Variants in DPCD observed in about 807,000 individuals in gnomAD.
The protein encoded by DPCD is protein DPCD.
A neutral mutation model predicts 26.4 loss-of-function variants in DPCD; 20 were observed. The ratio of observed to expected loss-of-function variants is 0.76; its 90% CI spans 0.53 to 1.10. The LOEUF is 1.10. Ranked by LOEUF, DPCD falls within the 50% of genes least tolerant of loss-of-function variation. The pLI, the probability that DPCD is intolerant of heterozygous loss-of-function variation, is 0.00. For synonymous variants in DPCD, 97 were observed against 94.2 expected (o/e 1.03, Z -0.17); for missense variants, 202 against 253.9 (o/e 0.80, Z 1.39).
Position 101,608,839 on chromosome 10 carries a change from T to C in DPCD, c.409T>C (p.Tyr137His), listed in dbSNP as rs776550996. 5.0e-6 allele frequency: 8 copies of C among 1,612,918 alleles called. No homozygotes were observed. The Admixed American group carries it at 1.3e-4, about 27-fold the overall frequency. The change falls in exon 5 of 6, where the codon TAC becomes CAC. Residue 137 changes from tyrosine (Y) to histidine (H), a missense_variant. Transcript: ENST00000370151. Reference sequence around the variant, plus strand: ...GGCCTCTCGGTGTCCCCACAGGTACTACAAGAAGTTCTCCATTCCTGATCT... The same window carrying C: ...GGCCTCTCGGTGTCCCCACAGGTACCACAAGAAGTTCTCCATTCCTGATCT... Reference protein sequence around the residue: ...IIVRTTNKKYYKKFSIPDLDR... With the variant: ...IIVRTTNKKYHKKFSIPDLDR...
intron 3 of DPCD, 89 bp from the exon 4 acceptor site, chr10:101,601,114 G>C: frequency 6.4e-7 from 1 of 1,574,326 alleles, no homozygotes; most frequent in Non-Finnish European, 8.6e-7. Flanking sequence ...AGAGCTGAGG[G>C]TCTTGTTGTG....
intron 3 of DPCD, 26 bp from the exon 4 acceptor site, chr10:101,601,177 C>A (rs1481945952): frequency 6.2e-7 from 1 of 1,613,346 alleles, no homozygotes; most frequent in South Asian, 1.1e-5. Context: ...CAGGAACAGT[C>A]CTCGAGTTGG....
intron 4 of DPCD, among the ~76,000 whole-genome samples, chr10:101,602,376 C>A (rs1051000090): frequency 6.6e-6 from 1 of 152,220 alleles, no homozygotes; most frequent in Admixed American, 6.5e-5. Flanking sequence ...ACTCCCCCAT[C>A]GCAGCCCTGG....
intron 2 of DPCD, among the ~76,000 whole-genome samples, chr10:101,595,408 G>T (rs1161761507): frequency 6.6e-6 from 1 of 152,130 alleles, no homozygotes; most frequent in Non-Finnish European, 1.5e-5. Flanking sequence ...TAGGTGGCTG[G>T]CTCTTTGACC....
rs1319387654 is a variant in DPCD at position 101,588,579 on chromosome 10, G to C, written c.64+179G>C. ...CAGAGATGACATGACTGGAACACAT[G>C]TCTCCGGACACCCCTTAGATTCCTC... On this transcript the variant is annotated intron_variant, in intron 1 of 5. Coordinates refer to ENST00000370151, the MANE Select transcript of DPCD (RefSeq NM_015448.3). The C allele has an allele frequency of 2.0e-5, 28 of 1,428,984 alleles. No individual in the cohort carries two copies. In the South Asian group the frequency reaches 3.9e-4, roughly 20 times the overall value. 88.5% of individuals were successfully genotyped at this position (1,428,984 alleles called of 1,614,324 possible). A position where few individuals can be genotyped will look rare whatever the true frequency, so the allele number is the denominator to read the frequency against.
chr10:101,591,104 G>A (rs564951468), intron 1 of DPCD, among the ~76,000 whole-genome samples: 6 of 152,310 alleles, frequency 3.9e-5, no homozygotes, highest in African/African-American at 1.4e-4. Context: ...GGCTGTGCCT[G>A]GAAGAGGTGG....
rs1047451728 is a variant in DPCD, at chr10:101,609,038, C to T, written c.507+101C>T. 1.6e-5 allele frequency: 16 copies of T among 1,018,296 alleles called. No homozygotes were observed. The East Asian group carries it at 3.6e-4, about 23-fold the overall frequency. 63.1% of individuals were successfully genotyped at this position (1,018,296 alleles called of 1,614,324 possible). A position where few individuals can be genotyped will look rare whatever the true frequency, so the allele number is the denominator to read the frequency against. ...AAGAGTCCTCAGTTCTAGCCCCAAG[C>T]CCTAGGGTATGCTTGTGGGAGAATA... is the stretch of plus-strand genomic sequence containing the variant. On this transcript the variant is annotated intron_variant, in intron 5 of 5. Coordinates refer to ENST00000370151, the MANE Select transcript of DPCD (RefSeq NM_015448.3).
intron 4 of DPCD, among the ~76,000 whole-genome samples, chr10:101,604,458 T>A (rs888035305): frequency 6.6e-6 from 1 of 152,194 alleles, no homozygotes; most frequent in African/African-American, 2.4e-5. Context: ...TACCCATACT[T>A]GCCTTGTCTC....
intron 1 of DPCD, among the ~76,000 whole-genome samples, chr10:101,591,186 A>T (rs2134751996): frequency 6.6e-6 from 1 of 152,286 alleles, no homozygotes; most frequent in Admixed American, 6.5e-5. Context: ...TATCCATTGT[A>T]TGTCTACACT....
chr10:101,593,299 G>A (rs918217309), intron 1 of DPCD, among the ~76,000 whole-genome samples: 7 of 152,244 alleles, frequency 4.6e-5, no homozygotes, highest in South Asian at 2.1e-4. Flanking sequence ...CTCTGCTAGA[G>A]GCCCTGCAAA....
At position 101,603,070 on chromosome 10, in the gene DPCD, T is replaced by A. The variant is rs181738379; in HGVS notation, c.404+1734T>A. Among the ~76,000 whole-genome samples, 213 of 152,316 alleles carry A rather than the reference T, an allele frequency of 1.4e-3. 1 individual carries two copies. The highest frequency in any genetic ancestry group is 2.9e-3 in the Admixed American group (45 of 15,294). On this transcript the variant is annotated intron_variant, in intron 4 of 5. Transcript: ENST00000370151. This position sits in a 1 kb window ranked among gnomAD's most constrained non-coding sequence, Gnocchi z 4.6. Reference sequence around the variant, plus strand: ...AAATGATGGGTGAGGCCAGGTGGGATGGGAGTGATGCCCCTGGAGGGGCAG... The same window carrying A: ...AAATGATGGGTGAGGCCAGGTGGGAAGGGAGTGATGCCCCTGGAGGGGCAG...
In DPCD at chr10:101,600,956, C is replaced by T; in HGVS notation, c.270+94C>T. The stretch of plus-strand genomic sequence containing the variant: ...AGGGCAGGGACCATGTCTTGTTCAC[C>T]TCCTCGCCTCCAGTGTGCCACCTGG... On this transcript the variant is annotated intron_variant, in intron 3 of 5. Transcript: ENST00000370151. The surrounding 1 kb of genome is among the most constrained non-coding windows in gnomAD (Gnocchi z 4.7). 6.3e-7 allele frequency: 1 copy of T among 1,576,302 alleles called. No homozygotes were observed. Among genetic ancestry groups the T allele is most frequent in the Non-Finnish European group, 8.6e-7 (1 of 1,164,330 alleles).
At chr10:101,605,349 TAG>T (rs2063726906) in intron 4 of DPCD, 5 of 1,314,502 alleles carry the variant, frequency 3.8e-6, no homozygotes, top group Admixed American at 5.4e-5. Context: ...GGGGATACAG[TAG>T]AGAGTGGTGG....
Position 101,608,905 on chromosome 10 carries a change from T to G in DPCD, c.475T>G (p.Phe159Val). The G allele has an allele frequency of 6.2e-7, 1 of 1,613,670 alleles. No individual in the cohort carries two copies. The highest frequency in any genetic ancestry group is 8.5e-7 in the Non-Finnish European group (1 of 1,179,896). The change falls in exon 5 of 6, where the codon TTT (phenylalanine) becomes GTT (valine). Residue 159 changes from phenylalanine (F) to valine (V), a missense_variant. Coordinates refer to ENST00000370151, the MANE Select transcript of DPCD (RefSeq NM_015448.3). ...ACCTCTGGATGACGCCTTGCTGAGCTTTGCCCACGCCAACTGCACCCTGAT... is the reference window on the plus strand; with the variant it reads ...ACCTCTGGATGACGCCTTGCTGAGCGTTGCCCACGCCAACTGCACCCTGAT... ...QLPLDDALLSFAHANCTLIIS... is the reference protein window; with the variant it reads ...QLPLDDALLSVAHANCTLIIS...
chr10:101,596,742 T>C (rs979751448), intron 2 of DPCD: 3 of 152,074 alleles, frequency 2.0e-5, no homozygotes, highest in Admixed American at 2.0e-4. Context: ...TTTTTAAGTA[T>C]AAATAATCCC....
chr10:101,596,628 G>A (rs1434798348), intron 2 of DPCD: 1 of 152,074 alleles, frequency 6.6e-6, no homozygotes, highest in African/African-American at 2.4e-5. Flanking sequence ...CAGACAGGAG[G>A]ACCTCACTTG....
intron 5 of DPCD, 43 bp downstream of exon 5, chr10:101,608,980 T>C (rs2063753540): frequency 1.4e-6 from 2 of 1,467,624 alleles, no homozygotes; most frequent in African/African-American, 1.4e-5. Flanking sequence ...TCAGGGAGAG[T>C]CTTCCTCTTT....
chr10:101,589,774 C>G (rs2063573282), intron 1 of DPCD, among the ~76,000 whole-genome samples: 1 of 152,176 alleles, frequency 6.6e-6, no homozygotes, highest in African/African-American at 2.4e-5. Flanking sequence ...ATTCCAGCTA[C>G]TCTGGAGGCT....
At chr10:101,592,143 G>A (rs1318007608) in intron 1 of DPCD, among the ~76,000 whole-genome samples, 3 of 151,926 alleles carry the variant, frequency 2.0e-5, no homozygotes, top group South Asian at 2.1e-4. Flanking sequence ...GATAAGTATC[G>A]AATAATCATT....
Sources: allele counts gnomAD v4.1 joint callset (sites outside exome capture counted in the v4.1 genomes callset), GRCh38; gene constraint gnomAD v4.1.1; non-coding constraint Gnocchi (gnomAD v3.1); transcripts MANE v1.5; gene names NCBI Gene and HGNC (gene_info 2026-07-23, HGNC 2026-07-21).